TDRD9: variants seen among roughly 807,000 people sequenced by gnomAD.
The protein encoded by TDRD9 is tudor domain containing 9, also known as ATP-dependent RNA helicase TDRD9.
A neutral mutation model predicts 172.6 loss-of-function variants in TDRD9; 124 were observed. The ratio of observed to expected loss-of-function variants is 0.72; its 90% CI spans 0.62 to 0.83. The LOEUF (loss-of-function observed/expected upper bound fraction) is 0.83, where lower values mean the gene tolerates loss of function less well. Among genes scored for constraint, TDRD9 ranks in the 40% least tolerant of loss-of-function variants. The pLI is 0.00. For synonymous variants in TDRD9, 619 were observed against 617.1 expected (o/e 1.00, Z -0.05); for missense variants, 1,479 against 1,714.1 (o/e 0.86, Z 2.42).
chr14:104,052,206 A>C lies in TDRD9; in HGVS notation c.*124A>C. 3.4e-6 allele frequency: 2 copies of C among 580,540 alleles called. No homozygotes were observed. Among genetic ancestry groups the C allele is most frequent in the South Asian group, 2.4e-5 (1 of 42,466 alleles). 36.0% of individuals were successfully genotyped at this position (580,540 alleles called of 1,614,324 possible). On this transcript the variant is annotated 3_prime_UTR_variant, in exon 36 of 36. Transcript: ENST00000409874. Reference sequence around the variant, plus strand: ...TACAGTCTGTGCCCACTGCATCCTAAAGGCCTTTTCTTTCTTCTTTTCTCT... The same window carrying C: ...TACAGTCTGTGCCCACTGCATCCTACAGGCCTTTTCTTTCTTCTTTTCTCT...
At chr14:103,950,670 G>C (rs757678817) in intron 1 of TDRD9, among the ~76,000 whole-genome samples, 3 of 152,194 alleles carry the variant, frequency 2.0e-5, no homozygotes, top group Non-Finnish European at 2.9e-5. Flanking sequence ...GATACACTAT[G>C]TGAATGAAAT....
At chr14:104,002,669 T>A (rs1234343980) in intron 13 of TDRD9, among the ~76,000 whole-genome samples, 2 of 152,178 alleles carry the variant, frequency 1.3e-5, no homozygotes, top group Admixed American at 1.3e-4. Context: ...GCAGAGAGAC[T>A]TTTAGGCTGA....
At chr14:103,962,766 T>A (rs1253053232) in intron 2 of TDRD9, among the ~76,000 whole-genome samples, 1 of 152,214 alleles carries the variant, frequency 6.6e-6, no homozygotes. Flanking sequence ...TTTGCTTAGA[T>A]GGCCTCCAGC....
intron 23 of TDRD9, among the ~76,000 whole-genome samples, chr14:104,021,906 A>G (rs1484362366): frequency 6.6e-6 from 1 of 152,188 alleles, no homozygotes; most frequent in African/African-American, 2.4e-5. Context: ...TTTAGTGTTT[A>G]TTCTGCATTA....
intron 12 of TDRD9, among the ~76,000 whole-genome samples, chr14:103,998,286 C>T (rs553985669): frequency 3.4e-4 from 52 of 152,024 alleles, no homozygotes; most frequent in African/African-American, 1.3e-3. Context: ...CTGGCAGTCC[C>T]TTGCATCAGC....
intron 2 of TDRD9, among the ~76,000 whole-genome samples, chr14:103,956,034 TAGG>T (rs1373257384): frequency 7.8e-6 from 1 of 128,412 alleles, no homozygotes; most frequent in Non-Finnish European, 1.6e-5. Flanking sequence ...CACTTGAGGC[TAGG>T]AGTTCAGGTT....
At chr14:104,041,140 C>T (rs144640077) in intron 33 of TDRD9, among the ~76,000 whole-genome samples, 12 of 152,132 alleles carry the variant, frequency 7.9e-5, no homozygotes, top group Non-Finnish European at 1.5e-4. Context: ...AGACAGCTGC[C>T]GATGCTCCGG....
intron 11 of TDRD9, among the ~76,000 whole-genome samples, chr14:103,995,331 T>G (rs946766667): frequency 6.6e-6 from 1 of 152,120 alleles, no homozygotes; most frequent in East Asian, 1.9e-4. Flanking sequence ...GGGCCTGAGT[T>G]GACAACGTCG....
intron 30 of TDRD9, among the ~76,000 whole-genome samples, chr14:104,033,414 G>C (rs1211726586): frequency 3.9e-5 from 6 of 152,216 alleles, no homozygotes; most frequent in Non-Finnish European, 8.8e-5. Context: ...ATGGGAAACT[G>C]AGTCCCTGGC....
At chr14:103,961,674 G>A (rs2032519082) in intron 2 of TDRD9, among the ~76,000 whole-genome samples, 1 of 151,976 alleles carries the variant, frequency 6.6e-6, no homozygotes, top group Admixed American at 6.5e-5. Flanking sequence ...TCACAAAGAA[G>A]CTATTTTTGC....
At chr14:103,944,547 G>A (rs1325510481) in intron 1 of TDRD9, among the ~76,000 whole-genome samples, 11 of 149,118 alleles carry the variant, frequency 7.4e-5, no homozygotes, top group African/African-American at 2.7e-4. Flanking sequence ...CTGTGTTTCT[G>A]TTCTCTCTCC....
At position 103,928,583 on chromosome 14, in the gene TDRD9, T is replaced by A; in HGVS notation, c.74T>A (p.Leu25Gln). The change falls in exon 1 of 36, where the codon CTG becomes CAG. Residue 25 changes from leucine (L) to glutamine (Q), a missense_variant. Leu to Gln is a moderately radical substitution (Grantham distance 113). Transcript: ENST00000409874. ...GGCAAGACGGTGACCAATGTGGAGC[T>A]GCTGGGCGCGCCGCCCGCCTTCCCG... ...TIGKTVTNVE[L>Q]LGAPPAFPAG... The A allele has an allele frequency of 7.3e-7, 1 of 1,366,812 alleles. No homozygotes were observed. The highest frequency in any genetic ancestry group is 9.6e-7 in the Non-Finnish European group (1 of 1,041,634). 84.7% of individuals were successfully genotyped at this position (1,366,812 alleles called of 1,614,324 possible).
At chr14:104,046,668 CAG>C (rs1223692797) in intron 34 of TDRD9, among the ~76,000 whole-genome samples, 1 of 151,094 alleles carries the variant, frequency 6.6e-6, no homozygotes, top group Non-Finnish European at 1.5e-5. Flanking sequence ...TTTTTTGAGA[CAG>C]AGTCTTGCTC....
At chr14:103,952,729 CTTTTTTTTTT>C (rs68192057) in intron 1 of TDRD9, among the ~76,000 whole-genome samples, 16 of 72,322 alleles carry the variant, frequency 2.2e-4, no homozygotes, top group South Asian at 7.0e-4. Context: ...AATTCTCTCT[CTTTTTTTTTT>C]TTTTTTTTTT....
At chr14:104,049,767 C>G in intron 35 of TDRD9, 87 bp downstream of exon 35, 1 of 1,206,906 alleles carries the variant, frequency 8.3e-7, no homozygotes. Context: ...AGAGCCAGGG[C>G]TGGCCGAGGG....
At chr14:104,011,534 T>G (rs1159147008) in intron 20 of TDRD9, among the ~76,000 whole-genome samples, 1 of 152,168 alleles carries the variant, frequency 6.6e-6, no homozygotes, top group Non-Finnish European at 1.5e-5. Context: ...TTTTGAGGGA[T>G]CAATTTTAAA....
rs539011597 is a variant in TDRD9 at position 104,005,507 on chromosome 14, C to T, written c.1713+102C>T. On this transcript the variant is annotated intron_variant, in intron 15 of 35. Transcript: ENST00000409874. Reference sequence around the variant, plus strand: ...ACTTTCCCACTAACTCTGATCCTCCCGCCTCACTTTCCCGCTAACTCTGTT... The same window carrying T: ...ACTTTCCCACTAACTCTGATCCTCCTGCCTCACTTTCCCGCTAACTCTGTT... The T allele has an allele frequency of 1.3e-4, 166 of 1,285,632 alleles. 1 individual carries two copies. Among genetic ancestry groups the T allele is most frequent in the Admixed American group, 7.1e-4 (36 of 50,924 alleles). The allele number at this position is 1,285,632 out of a possible 1,614,324, so 79.6% of individuals were successfully genotyped here.
At chr14:104,033,561 G>A (rs2035350334) in intron 30 of TDRD9, among the ~76,000 whole-genome samples, 1 of 152,176 alleles carries the variant, frequency 6.6e-6, no homozygotes, top group African/African-American at 2.4e-5. Context: ...TTCTGCTGAG[G>A]GGTGACAGAG....
At chr14:103,932,419 G>A (rs1236681024) in intron 1 of TDRD9, among the ~76,000 whole-genome samples, 3 of 150,790 alleles carry the variant, frequency 2.0e-5, no homozygotes, top group Non-Finnish European at 3.0e-5. Flanking sequence ...ACGGAGTCTC[G>A]CTCTGTCGCC....
Sources: allele counts gnomAD v4.1 joint callset (sites outside exome capture counted in the v4.1 genomes callset), GRCh38; gene constraint gnomAD v4.1.1; transcripts MANE v1.5; gene names NCBI Gene and HGNC (gene_info 2026-07-23, HGNC 2026-07-21).